The following CCSER1 variants were observed in gnomAD, a reference collection of about 807,000 sequenced individuals.
The protein encoded by CCSER1 is serine-rich coiled-coil domain-containing protein 1.
CCSER1 carries 41 observed loss-of-function variants against 82.0 expected under a neutral mutation model. That is an observed-to-expected ratio of 0.50 (90% CI 0.39 to 0.65). The LOEUF (loss-of-function observed/expected upper bound fraction) is 0.65. Among genes scored for constraint, CCSER1 ranks in the 30% least tolerant of loss-of-function variants. The pLI is 0.00. For synonymous variants in CCSER1, 414 were observed against 383.9 expected (o/e 1.08, Z -0.92); for missense variants, 1,119 against 1,064.2 (o/e 1.05, Z -0.72).
At chr4:91,573,905 C>A (rs1168885632) in intron 10 of CCSER1, among the ~76,000 whole-genome samples, 1 of 152,024 alleles carries the variant, frequency 6.6e-6, no homozygotes, top group East Asian at 1.9e-4. Flanking sequence ...AGCAATCCCA[C>A]TTAAAATTGC....
At chr4:90,901,132 T>C (rs1181902186) in intron 8 of CCSER1, among the ~76,000 whole-genome samples, 4 of 152,028 alleles carry the variant, frequency 2.6e-5, no homozygotes, top group South Asian at 2.1e-4. Context: ...TGTTTTTCAT[T>C]TGCATGATAC....
At chr4:91,190,108 T>C (rs1734878759) in intron 10 of CCSER1, among the ~76,000 whole-genome samples, 1 of 152,210 alleles carries the variant, frequency 6.6e-6, no homozygotes, top group South Asian at 2.1e-4. Context: ...CATGATTTCC[T>C]TATCCTAATC....
At chr4:90,579,986 T>TA (rs2148628927) in intron 5 of CCSER1, among the ~76,000 whole-genome samples, 1 of 151,884 alleles carries the variant, frequency 6.6e-6, no homozygotes, top group African/African-American at 2.4e-5. Context: ...TAAGTGAAAA[T>TA]AAAAAAGGAG....
At chr4:90,282,989 A>G (rs1000115513) in intron 1 of CCSER1, among the ~76,000 whole-genome samples, 7 of 152,036 alleles carry the variant, frequency 4.6e-5, no homozygotes, top group African/African-American at 1.7e-4. Flanking sequence ...TGATTGTGAT[A>G]CTGCATTAAT....
chr4:91,024,426 A>T (rs938427779), intron 9 of CCSER1, among the ~76,000 whole-genome samples: 1 of 149,762 alleles, frequency 6.7e-6, no homozygotes, highest in African/African-American at 2.5e-5. Flanking sequence ...TAATACATTT[A>T]TTTTTTTTAA....
At chr4:91,340,472 G>T (rs1747639833) in intron 10 of CCSER1, among the ~76,000 whole-genome samples, 1 of 152,142 alleles carries the variant, frequency 6.6e-6, no homozygotes, top group African/African-American at 2.4e-5. Flanking sequence ...AAAAACATTT[G>T]CTGTAGCCTT....
chr4:90,268,967 T>C (rs1162215827), intron 1 of CCSER1, among the ~76,000 whole-genome samples: 1 of 152,120 alleles, frequency 6.6e-6, no homozygotes, highest in East Asian at 1.9e-4. Context: ...CATTATTTAA[T>C]GATAAATGGG....
intron 3 of CCSER1, among the ~76,000 whole-genome samples, chr4:90,350,314 T>A (rs1338405950): frequency 6.6e-6 from 1 of 152,088 alleles, no homozygotes; most frequent in Admixed American, 6.5e-5. Flanking sequence ...TGGGAAAATT[T>A]TTGGAATCCT....
chr4:90,340,140 G>A (rs950818450), intron 3 of CCSER1, among the ~76,000 whole-genome samples: 2 of 152,078 alleles, frequency 1.3e-5, no homozygotes, highest in African/African-American at 4.8e-5. Flanking sequence ...CGTTGGAATA[G>A]GACCTTGCTA....
chr4:91,152,541 G>C (rs1334602933), intron 10 of CCSER1, among the ~76,000 whole-genome samples: 1 of 152,170 alleles, frequency 6.6e-6, no homozygotes, highest in Non-Finnish European at 1.5e-5. Context: ...ATTGTTATGT[G>C]TGAATTTGAT....
At chr4:91,349,425 A>G (rs1483937079) in intron 10 of CCSER1, among the ~76,000 whole-genome samples, 2 of 64,448 alleles carry the variant, frequency 3.1e-5, no homozygotes, top group Admixed American at 1.3e-4. Context: ...CTCCTGATGT[A>G]ATGGTTAAGT....
intron 10 of CCSER1, among the ~76,000 whole-genome samples, chr4:91,376,729 C>A (rs1750439850): frequency 6.6e-6 from 1 of 152,110 alleles, no homozygotes; most frequent in Admixed American, 6.5e-5. Context: ...AAGGCACTAT[C>A]AAATATTTTT....
chr4:91,525,791 T>A (rs961040296), intron 10 of CCSER1, among the ~76,000 whole-genome samples: 2 of 152,100 alleles, frequency 1.3e-5, no homozygotes, highest in African/African-American at 4.8e-5. Flanking sequence ...ACCTATGGAC[T>A]TTGATACTGT....
intron 7 of CCSER1, among the ~76,000 whole-genome samples, chr4:90,814,576 T>C (rs1758757947): frequency 6.6e-6 from 1 of 152,232 alleles, no homozygotes; most frequent in Admixed American, 6.5e-5. Context: ...TTTGAATGCA[T>C]ATGACTGAAT....
intron 10 of CCSER1, among the ~76,000 whole-genome samples, chr4:91,161,434 G>T (rs935880294): frequency 6.6e-6 from 1 of 152,132 alleles, no homozygotes; most frequent in African/African-American, 2.4e-5. Flanking sequence ...TTCCAATTCT[G>T]TGAGGAAAGT....
rs1764707280 is a variant in CCSER1, at chr4:91,598,882, T to C, written c.2528T>C (p.Leu843Ser). 5 of 1,551,468 alleles carry C rather than the reference T, an allele frequency of 3.2e-6. No homozygotes were observed. The highest frequency in any genetic ancestry group is 4.4e-6 in the Non-Finnish European group (5 of 1,146,936). ...AAGACAGAAGGGCTCTCCACGTTCTTAGAGAAACCAAAGGACCAAGTTGCT... is the reference window on the plus strand; with the variant it reads ...AAGACAGAAGGGCTCTCCACGTTCTCAGAGAAACCAAAGGACCAAGTTGCT... ...TAKTEGLSTFLEKPKDQVATA... is the reference protein window; with the variant it reads ...TAKTEGLSTFSEKPKDQVATA... The change falls in exon 11 of 11, where the codon TTA (leucine) becomes TCA (serine). Residue 843 changes from leucine to serine, a missense_variant. Coordinates refer to ENST00000509176, the MANE Select transcript of CCSER1 (RefSeq NM_001145065.2).
intron 10 of CCSER1, among the ~76,000 whole-genome samples, chr4:91,187,970 A>G (rs1457358492): frequency 6.6e-6 from 1 of 152,162 alleles, no homozygotes; most frequent in African/African-American, 2.4e-5. Context: ...AAATGTTGCT[A>G]TGATAGTAAC....
intron 8 of CCSER1, among the ~76,000 whole-genome samples, chr4:90,831,932 G>A (rs905166913): frequency 2.6e-5 from 4 of 151,878 alleles, no homozygotes; most frequent in Admixed American, 2.6e-4. Flanking sequence ...AAATGATAAT[G>A]GCTATATGTT....
At chr4:91,075,875 A>G (rs1049574841) in intron 9 of CCSER1, among the ~76,000 whole-genome samples, 1 of 152,146 alleles carries the variant, frequency 6.6e-6, no homozygotes, top group Non-Finnish European at 1.5e-5. Flanking sequence ...ATTACTGTCA[A>G]TAAGAGTCAG....
Sources: allele counts gnomAD v4.1 joint callset (sites outside exome capture counted in the v4.1 genomes callset), GRCh38; gene constraint gnomAD v4.1.1; transcripts MANE v1.5; gene names NCBI Gene and HGNC (gene_info 2026-07-23, HGNC 2026-07-21).